Variants in FSD1L observed in about 807,000 individuals in gnomAD.
FSD1L encodes the protein fibronectin type III and SPRY domain containing 1 like, also known as FSD1-like protein.
A neutral mutation model predicts 71.6 loss-of-function variants in FSD1L; 45 were observed. The ratio of observed to expected loss-of-function variants is 0.63; its 90% CI spans 0.49 to 0.81. FSD1L has a LOEUF of 0.81. Ranked by LOEUF, FSD1L falls within the 30% of genes least tolerant of loss-of-function variation. The probability of loss-of-function intolerance (pLI) is 0.00; values close to 1 mark genes in which losing one functional copy is unlikely to be tolerated. For missense variants in FSD1L, 561 were observed against 618.1 expected (o/e 0.91, Z 0.98); for synonymous variants, 197 against 207.2 (o/e 0.95, Z 0.42).
chr9:105,476,892 C>T (rs72744261), intron 5 of FSD1L, among the ~76,000 whole-genome samples: 2,138 of 152,306 alleles, frequency 0.014, 26 homozygotes, highest in Admixed American at 0.028. Flanking sequence ...TTAAACCTCT[C>T]TTGCATTTAT....
At chr9:105,461,082 C>T (rs1830663790) in intron 1 of FSD1L, among the ~76,000 whole-genome samples, 1 of 152,216 alleles carries the variant, frequency 6.6e-6, no homozygotes, top group African/African-American at 2.4e-5. Flanking sequence ...AACATAAGCA[C>T]ATAAAGAAAT....
chr9:105,453,019 G>A lies in FSD1L; in HGVS notation c.15+4784G>A, dbSNP rs867952462. ...CCTAAAGTGCTGGGATTATAGGTAT[G>A]AGCCATCACGTCTGACCTAAAGTTG... On this transcript the variant is annotated intron_variant, in intron 1 of 13. Coordinates refer to ENST00000481272, the MANE Select transcript of FSD1L (RefSeq NM_001145313.3). 2.7e-5 allele frequency among the ~76,000 whole-genome samples: 4 copies of A among 146,650 alleles called. No homozygotes were observed. The South Asian group carries it at 8.8e-4, about 32-fold the overall frequency.
chr9:105,543,255 C>G (rs1342459493), intron 13 of FSD1L, among the ~76,000 whole-genome samples: 2 of 152,080 alleles, frequency 1.3e-5, no homozygotes, highest in African/African-American at 2.4e-5. Flanking sequence ...TAAACAACTT[C>G]TAGAATTTCC....
chr9:105,509,908 A>G (rs1349151932), intron 9 of FSD1L, among the ~76,000 whole-genome samples: 5 of 152,226 alleles, frequency 3.3e-5, no homozygotes, highest in East Asian at 3.8e-4. Flanking sequence ...AATCTTTTCT[A>G]TATAACTTGA....
At position 105,468,154 on chromosome 9, in the gene FSD1L, G is replaced by T; in HGVS notation, c.208-39G>T. 7.6e-7 allele frequency: 1 copy of T among 1,324,472 alleles called. No individual in the cohort carries two copies. The highest frequency in any genetic ancestry group is 9.7e-7 in the Non-Finnish European group (1 of 1,031,082). 82.0% of individuals were successfully genotyped at this position (1,324,472 alleles called of 1,614,324 possible). On this transcript the variant is annotated intron_variant, in intron 3 of 13. Coordinates refer to ENST00000481272, the MANE Select transcript of FSD1L (RefSeq NM_001145313.3). ...CCTTTTAGGTTTTAAATGTTTGATA[G>T]CGCTTCAGTAAAATTGTTTTGTTTT...
chr9:105,508,741 C>CTTTGTT, intron 9 of FSD1L, 26 bp downstream of exon 9: 1 of 1,333,074 alleles, frequency 7.5e-7, no homozygotes, highest in Admixed American at 2.3e-5. Context: ...CTTTATACAG[C>CTTTGTT]ATAAAACAAA....
chr9:105,466,524 C>T (rs1364004449), intron 3 of FSD1L, among the ~76,000 whole-genome samples: 1 of 152,090 alleles, frequency 6.6e-6, no homozygotes, highest in Non-Finnish European at 1.5e-5. Flanking sequence ...GAAACCCCAT[C>T]TCTACTAAAA....
chr9:105,506,359 T>G, intron 7 of FSD1L, 40 bp from the exon 8 acceptor site: 1 of 1,388,986 alleles, frequency 7.2e-7, no homozygotes. Flanking sequence ...TTGTAATAAA[T>G]GAGGAATGAA....
intron 10 of FSD1L, chr9:105,525,189 A>G: frequency 6.3e-7 from 1 of 1,597,662 alleles, no homozygotes; most frequent in Non-Finnish European, 8.5e-7. Flanking sequence ...ACATCTAATG[A>G]ATGCTTAGAA....
In FSD1L at chr9:105,484,600, A is replaced by G. The variant is rs7875335; in HGVS notation, c.586+98A>G. On this transcript the variant is annotated intron_variant, in intron 7 of 13. Coordinates refer to ENST00000481272, the MANE Select transcript of FSD1L (RefSeq NM_001145313.3). ...ATTGGTTTGTAAATATTAAGGAAGT[A>G]TAGTGTGATTTTTTTTTCATTCAGC... is the stretch of plus-strand genomic sequence containing the variant. The G allele has an allele frequency of 2.3e-3, 1,631 of 703,266 alleles. 22 individuals are homozygous for G. The African/African-American group carries it at 0.027, about 12-fold the overall frequency. 43.6% of individuals were successfully genotyped at this position (703,266 alleles called of 1,614,324 possible). A position where few individuals can be genotyped will look rare whatever the true frequency, so the allele number is the denominator to read the frequency against.
rs1589007408 is a variant in FSD1L, at chr9:105,493,816, T to C, written c.586+9314T>C. Among the ~76,000 whole-genome samples, 8 of 152,334 alleles carry C rather than the reference T, an allele frequency of 5.3e-5. No homozygotes were observed. In the South Asian group the frequency reaches 1.5e-3, roughly 28 times the overall value. ...TTGAAAATTCTTTTCTTTAAGAATG[T>C]TGAATATTGGCCCCCACTCTCTTCT... On this transcript the variant is annotated intron_variant, in intron 7 of 13. Coordinates refer to ENST00000481272, the MANE Select transcript of FSD1L (RefSeq NM_001145313.3).
In FSD1L at chr9:105,551,589, G is replaced by T. The variant is rs905230860; in HGVS notation, c.*5106G>T. ...GTAGATGCATTTACTTTGATAAAGCGTGTGCTTAAAGTGGTATCACCAGTG... is the reference window on the plus strand; with the variant it reads ...GTAGATGCATTTACTTTGATAAAGCTTGTGCTTAAAGTGGTATCACCAGTG... On this transcript the variant is annotated 3_prime_UTR_variant, in exon 14 of 14. Coordinates refer to ENST00000481272, the MANE Select transcript of FSD1L (RefSeq NM_001145313.3). 6.6e-6 allele frequency: 1 copy of T among 152,144 alleles called. No individual in the cohort carries two copies. Among genetic ancestry groups the T allele is most frequent in the Non-Finnish European group, 1.5e-5 (1 of 68,000 alleles). The allele number at this position is 152,144 out of a possible 1,614,324, so 9.4% of individuals were successfully genotyped here.
At chr9:105,533,416 C>CTTTTTTTCTTTTTT (rs1836034717) in intron 10 of FSD1L, among the ~76,000 whole-genome samples, 1 of 29,070 alleles carries the variant, frequency 3.4e-5, no homozygotes, top group Non-Finnish European at 6.0e-5. Flanking sequence ...CCATTTCCAT[C>CTTTTTTTCTTTTTT]TTTTTTTTTT....
intron 1 of FSD1L, among the ~76,000 whole-genome samples, chr9:105,450,610 T>C (rs948871374): frequency 6.6e-6 from 1 of 151,626 alleles, no homozygotes; most frequent in East Asian, 1.9e-4. Flanking sequence ...CTTGGCTTAC[T>C]GCAACCTCCG....
In FSD1L at chr9:105,484,368, G is replaced by T; in HGVS notation, c.465-13G>T. On this transcript the variant is annotated splice_polypyrimidine_tract_variant and intron_variant, in intron 6 of 13. Coordinates refer to ENST00000481272, the MANE Select transcript of FSD1L (RefSeq NM_001145313.3). Reference sequence around the variant, plus strand: ...TTTCTTTATTTTAAAAAGTATGTTTGTGTTTACCGTAGAGTCACAATGGCT... The same window carrying T: ...TTTCTTTATTTTAAAAAGTATGTTTTTGTTTACCGTAGAGTCACAATGGCT... 6.8e-7 allele frequency: 1 copy of T among 1,466,538 alleles called. No homozygotes were observed. Among genetic ancestry groups the T allele is most frequent in the Non-Finnish European group, 9.0e-7 (1 of 1,112,710 alleles). The allele number at this position is 1,466,538 out of a possible 1,614,324, so 90.8% of individuals were successfully genotyped here. A position where few individuals can be genotyped will look rare whatever the true frequency, so the allele number is the denominator to read the frequency against.
In FSD1L at chr9:105,546,432, AAATGG is replaced by A; in HGVS notation, c.1547_1551del (p.Gly516AspfsTer5). 6.5e-7 allele frequency: 1 copy of A among 1,550,344 alleles called. No homozygotes were observed. Among genetic ancestry groups the A allele is most frequent in the Non-Finnish European group, 8.7e-7 (1 of 1,146,138 alleles). On this transcript the variant is annotated frameshift_variant, in exon 14 of 14. Transcript: ENST00000481272. LOFTEE classifies it high-confidence loss of function. ...CTGTGAGAACACTTCAGAAAAGTGA[AAATGG>A]AATGACTGGTTCAGCTAGCAGCCTG...
chr9:105,491,008 T>C (rs1791513723), intron 7 of FSD1L, among the ~76,000 whole-genome samples: 1 of 151,686 alleles, frequency 6.6e-6, no homozygotes, highest in Admixed American at 6.6e-5. Flanking sequence ...TGGTTCCATA[T>C]GAACTTTAAA....
rs1047430173 is a variant in FSD1L at position 105,549,358 on chromosome 9, A to G, written c.*2875A>G. 2 of 152,058 alleles carry G rather than the reference A, an allele frequency of 1.3e-5. No individual in the cohort carries two copies. Among genetic ancestry groups the G allele is most frequent in the Non-Finnish European group, 2.9e-5 (2 of 67,922 alleles). The allele number at this position is 152,058 out of a possible 1,614,324, so 9.4% of individuals were successfully genotyped here. On this transcript the variant is annotated 3_prime_UTR_variant, in exon 14 of 14. Coordinates refer to ENST00000481272, the MANE Select transcript of FSD1L (RefSeq NM_001145313.3). ...TTTTTTACAATTCATTTTGACTCTC[A>G]TGGCTGACCATGTCATTATGTCTTT...
chr9:105,512,266 A>G (rs1834438388), intron 9 of FSD1L, among the ~76,000 whole-genome samples: 1 of 151,842 alleles, frequency 6.6e-6, no homozygotes, highest in Non-Finnish European at 1.5e-5. Context: ...TAAATTATCT[A>G]TCAGCTGGGC....
Sources: allele counts gnomAD v4.1 joint callset (sites outside exome capture counted in the v4.1 genomes callset), GRCh38; gene constraint gnomAD v4.1.1; transcripts MANE v1.5; gene names NCBI Gene and HGNC (gene_info 2026-07-23, HGNC 2026-07-21).